Variants in DGLUCY observed in about 807,000 individuals in gnomAD.
The protein encoded by DGLUCY is D-glutamate cyclase, mitochondrial.
In DGLUCY, 58 loss-of-function variants were observed where a neutral mutation model predicts 58.5. The observed-to-expected ratio is 0.99, with a 90% CI of 0.80 to 1.23. The LOEUF is 1.23. Among genes scored for constraint, DGLUCY ranks in the 50% most tolerant of loss-of-function variants. The pLI is 0.00. For missense variants in DGLUCY, 779 were observed against 784.7 expected, an observed-to-expected ratio of 0.99 and a Z score of 0.09; for synonymous variants, 325 against 314.1, an observed-to-expected ratio of 1.03 and a Z score of -0.37.
rs201623410 is a variant in DGLUCY, at chr14:91,170,077, C to G, written c.332C>G (p.Ser111Trp). The G allele has an allele frequency of 1.9e-6, 3 of 1,612,618 alleles. No homozygotes were observed. The highest frequency in any genetic ancestry group is 2.2e-5 in the East Asian group (1 of 44,864). ...TGSLASLEQY[S>W]EQLKDMVAFF... The stretch of plus-strand genomic sequence containing the variant: ...AGCCTGGCTTCGCTGGAGCAGTACT[C>G]GGAGCAGCTGAAGGACATGGTGGCC... Residue 111 changes from serine (S) to tryptophan (W), a missense_variant, in exon 5 of 14, where the codon TCG becomes TGG. Ser to Trp is a radical substitution (Grantham distance 177). Coordinates refer to ENST00000256324, the MANE Select transcript of DGLUCY (RefSeq NM_001102368.3).
At chr14:91,143,330 C>T (rs1053888316) in intron 1 of DGLUCY, among the ~76,000 whole-genome samples, 3 of 151,984 alleles carry the variant, frequency 2.0e-5, no homozygotes, top group East Asian at 1.9e-4. Flanking sequence ...CTCCTGACCT[C>T]GTGATCTGCC....
At chr14:91,194,866 A>G (rs886979830) in intron 9 of DGLUCY, among the ~76,000 whole-genome samples, 2 of 152,072 alleles carry the variant, frequency 1.3e-5, no homozygotes, top group African/African-American at 2.4e-5. Context: ...ATTTCTGACA[A>G]TGATTCTTGT....
At chr14:91,140,064 A>G (rs890399926) in intron 1 of DGLUCY, among the ~76,000 whole-genome samples, 19 of 152,256 alleles carry the variant, frequency 1.2e-4, no homozygotes, top group East Asian at 9.6e-4. Context: ...ATGTGTAGCT[A>G]TCTGCTTAGG....
chr14:91,067,416 T>C (rs2043841942), intron 1 of DGLUCY, among the ~76,000 whole-genome samples: 1 of 152,214 alleles, frequency 6.6e-6, no homozygotes, highest in South Asian at 2.1e-4. Flanking sequence ...TTTGCATTTA[T>C]AGGAAGTAGG....
intron 1 of DGLUCY, among the ~76,000 whole-genome samples, chr14:91,139,639 C>G (rs1314213144): frequency 6.6e-6 from 1 of 152,134 alleles, no homozygotes; most frequent in Non-Finnish European, 1.5e-5. Flanking sequence ...GCGCCGAGAT[C>G]GTGCCACTGC....
At chr14:91,214,495 GT>G (rs1259655621) in intron 12 of DGLUCY, among the ~76,000 whole-genome samples, 2 of 152,262 alleles carry the variant, frequency 1.3e-5, no homozygotes, top group Non-Finnish European at 2.9e-5. Context: ...CGACGGGGCT[GT>G]TTCCTGCCCT....
intron 13 of DGLUCY, among the ~76,000 whole-genome samples, chr14:91,219,494 C>A (rs929559649): frequency 6.6e-6 from 1 of 152,246 alleles, no homozygotes; most frequent in Non-Finnish European, 1.5e-5. Flanking sequence ...CTGGGCAGAG[C>A]TGTGGCCTGA....
At chr14:91,206,285 G>A (rs1242622615) in intron 12 of DGLUCY, among the ~76,000 whole-genome samples, 1 of 152,064 alleles carries the variant, frequency 6.6e-6, no homozygotes, top group Non-Finnish European at 1.5e-5. Context: ...CAGGGCACAG[G>A]CTTACTAAAA....
chr14:91,217,051 C>G (rs1370117347), intron 13 of DGLUCY, among the ~76,000 whole-genome samples: 2 of 152,240 alleles, frequency 1.3e-5, no homozygotes, highest in Non-Finnish European at 2.9e-5. Flanking sequence ...CCCGCCTCCT[C>G]TGGGGCTCCT....
At chr14:91,223,709 G>A (rs1356444829) in intron 13 of DGLUCY, 5 of 1,288,132 alleles carry the variant, frequency 3.9e-6, no homozygotes, top group Non-Finnish European at 5.1e-6. Context: ...CTAGGCTAAA[G>A]GCCAGAAGAC....
At position 91,067,410 on chromosome 14, in the gene DGLUCY, C is replaced by T. The variant is rs148433978; in HGVS notation, c.-82+6706C>T. Reference sequence around the variant, plus strand: ...GTGAGCAGGAAGTTCCTCACCTTTGCATTTATAGGAAGTAGGAAACACCCA... The same window carrying T: ...GTGAGCAGGAAGTTCCTCACCTTTGTATTTATAGGAAGTAGGAAACACCCA... On this transcript the variant is annotated intron_variant, in intron 1 of 4. Transcript: ENST00000521334. Among the ~76,000 whole-genome samples, 691 of 152,262 alleles carry T rather than the reference C, an allele frequency of 4.5e-3. 3 individuals are homozygous for T. The highest frequency in any genetic ancestry group is 7.8e-3 in the Non-Finnish European group (533 of 68,014).
intron 13 of DGLUCY, among the ~76,000 whole-genome samples, chr14:91,218,793 TGAG>T (rs1481737191): frequency 2.6e-5 from 4 of 152,042 alleles, no homozygotes; most frequent in Non-Finnish European, 5.9e-5. Context: ...TAGGGGACAA[TGAG>T]GAGTCACCCT....
At chr14:91,165,911 C>T (rs1246006329) in intron 3 of DGLUCY, among the ~76,000 whole-genome samples, 1 of 152,182 alleles carries the variant, frequency 6.6e-6, no homozygotes, top group Admixed American at 6.5e-5. Flanking sequence ...ATGGCAGCAC[C>T]ATTTGTCATA....
chr14:91,132,443 G>A (rs759195552), intron 1 of DGLUCY, among the ~76,000 whole-genome samples: 2 of 151,490 alleles, frequency 1.3e-5, no homozygotes, highest in African/African-American at 2.4e-5. Context: ...GTGCATGCCT[G>A]TAGTCCAAGA....
chr14:91,139,410 C>T (rs969894896), intron 1 of DGLUCY, among the ~76,000 whole-genome samples: 1 of 152,198 alleles, frequency 6.6e-6, no homozygotes, highest in Non-Finnish European at 1.5e-5. Flanking sequence ...CCAGACCGGG[C>T]GTGTTGGCTC....
At chr14:91,066,209 C>A (rs1248702606) in intron 1 of DGLUCY, among the ~76,000 whole-genome samples, 1 of 151,922 alleles carries the variant, frequency 6.6e-6, no homozygotes, top group Non-Finnish European at 1.5e-5. Context: ...GAAACCCTGT[C>A]TCTACTAAAA....
chr14:91,162,080 C>G (rs904894082), intron 3 of DGLUCY, among the ~76,000 whole-genome samples: 1 of 152,020 alleles, frequency 6.6e-6, no homozygotes, highest in Non-Finnish European at 1.5e-5. Flanking sequence ...TGTGACCTTT[C>G]TAAGCCTCAC....
chr14:91,194,512 G>A (rs1394043002), intron 9 of DGLUCY, among the ~76,000 whole-genome samples: 1 of 151,894 alleles, frequency 6.6e-6, no homozygotes, highest in African/African-American at 2.4e-5. Context: ...GGTTAGGGAG[G>A]GGGGATGGGG....
At chr14:91,199,544 T>C (rs373009740) in intron 10 of DGLUCY, among the ~76,000 whole-genome samples, 17 of 152,126 alleles carry the variant, frequency 1.1e-4, no homozygotes, top group Admixed American at 2.6e-4. Context: ...TGAACCACCA[T>C]GCCCAGCCCC....
Sources: allele counts gnomAD v4.1 joint callset (sites outside exome capture counted in the v4.1 genomes callset), GRCh38; gene constraint gnomAD v4.1.1; transcripts MANE v1.5; gene names NCBI Gene and HGNC (gene_info 2026-07-23, HGNC 2026-07-21).